Variants in DNAAF4 observed in about 807,000 individuals in gnomAD.
DNAAF4 encodes dynein assembly factor 4, axonemal.
Under a neutral mutation model 51.8 loss-of-function variants are expected in DNAAF4, and 43 were observed. The observed-to-expected ratio is 0.83, with a 90% CI of 0.65 to 1.07. DNAAF4 has a LOEUF of 1.07. Ranked by LOEUF, DNAAF4 falls within the 50% of genes least tolerant of loss-of-function variation. DNAAF4 has a pLI of 0.00. For synonymous variants in DNAAF4, 194 were observed against 165.6 expected (o/e 1.17, Z -1.32); for missense variants, 581 against 493.0 (o/e 1.18, Z -1.69).
chr15:55,497,639 A>G (rs2058658356), intron 3 of DNAAF4, 73 bp downstream of exon 3: 3 of 1,520,106 alleles, frequency 2.0e-6, no homozygotes, highest in Admixed American at 2.2e-5. Flanking sequence ...TAGGTGCTTC[A>G]AAATAAAATT....
chr15:55,432,581 G>A lies in DNAAF4; in HGVS notation c.1069C>T (p.Pro357Ser), dbSNP rs756316769. Residue 357 changes from proline to serine, a missense_variant, in exon 9 of 10, where the codon CCT becomes TCT. Pro to Ser is a moderately conservative substitution (Grantham distance 74). Coordinates refer to ENST00000321149, the MANE Select transcript of DNAAF4 (RefSeq NM_130810.4). ...SSKALELLMPPVTDNANARMK... is the reference protein window; with the variant it reads ...SSKALELLMPSVTDNANARMK... ...CTTGCATTAGCATTGTCTGTAACAG[G>A]TGGCATCAATAATTCCAGTGCCTTA... 2.5e-6 allele frequency: 4 copies of A among 1,611,566 alleles called. No homozygotes were observed. The South Asian group carries it at 3.3e-5, about 13-fold the overall frequency.
chr15:55,460,469 C>A (rs530802986), intron 5 of DNAAF4, among the ~76,000 whole-genome samples: 2 of 151,744 alleles, frequency 1.3e-5, no homozygotes, highest in East Asian at 3.9e-4. Context: ...CATGAGCCAC[C>A]GCGCCCGGCC....
intron 1 of DNAAF4, among the ~76,000 whole-genome samples, chr15:55,499,467 T>C (rs1342289560): frequency 2.0e-5 from 3 of 152,242 alleles, no homozygotes; most frequent in Admixed American, 6.5e-5. Flanking sequence ...AATGCACCTT[T>C]GTTTTACACC....
chr15:55,496,520 A>G (rs1028293548), intron 3 of DNAAF4, among the ~76,000 whole-genome samples: 8 of 152,212 alleles, frequency 5.3e-5, no homozygotes, highest in Admixed American at 1.3e-4. Context: ...CTGTAAAAAA[A>G]GGGTAATAAT....
At chr15:55,425,124 CA>C (rs1264700438) in intron 7 of DNAAF4, among the ~76,000 whole-genome samples, 1 of 152,192 alleles carries the variant, frequency 6.6e-6, no homozygotes, top group Non-Finnish European at 1.5e-5. Context: ...CTCGGCCTCC[CA>C]AAGTGCTGGG....
intron 4 of DNAAF4, among the ~76,000 whole-genome samples, chr15:55,484,323 A>T (rs971571017): frequency 2.6e-5 from 4 of 151,944 alleles, no homozygotes; most frequent in Non-Finnish European, 4.4e-5. Context: ...CTCTACTAAA[A>T]ATACAAAAAA....
chr15:55,498,183 G>T (rs12907654), intron 2 of DNAAF4, 24 bp downstream of exon 2: 1 of 1,613,854 alleles, frequency 6.2e-7, no homozygotes, highest in Non-Finnish European at 8.5e-7. Flanking sequence ...CCCGGAGACC[G>T]GCAGGCAAGA....
chr15:55,505,429 A>T (rs2058721804), intron 1 of DNAAF4, among the ~76,000 whole-genome samples: 1 of 152,112 alleles, frequency 6.6e-6, no homozygotes, highest in African/African-American at 2.4e-5. Context: ...TATATATAAA[A>T]GATTATAAAT....
intron 4 of DNAAF4, among the ~76,000 whole-genome samples, chr15:55,476,332 A>G (rs1003716863): frequency 1.3e-4 from 20 of 152,076 alleles, no homozygotes; most frequent in African/African-American, 4.8e-4. Flanking sequence ...ATGTGCGTGT[A>G]GTCCCAGCTA....
At chr15:55,469,397 C>T (rs1229762508) in intron 4 of DNAAF4, among the ~76,000 whole-genome samples, 1 of 150,408 alleles carries the variant, frequency 6.6e-6, no homozygotes, top group Non-Finnish European at 1.5e-5. Context: ...ACTGTTTATG[C>T]CTCTTATATA....
At chr15:55,467,701 T>C (rs141175990) in intron 4 of DNAAF4, among the ~76,000 whole-genome samples, 1,711 of 152,236 alleles carry the variant, frequency 0.011, 16 homozygotes, top group South Asian at 0.016. Context: ...ATAGGAAGGA[T>C]GAACAAGACG....
intron 9 of DNAAF4, among the ~76,000 whole-genome samples, chr15:55,431,896 C>T (rs1471510156): frequency 6.6e-6 from 1 of 152,052 alleles, no homozygotes; most frequent in Non-Finnish European, 1.5e-5. Context: ...GGATTATAGG[C>T]GTGAAGCACC....
intron 4 of DNAAF4, among the ~76,000 whole-genome samples, chr15:55,472,360 G>C (rs1459967611): frequency 6.6e-6 from 1 of 152,150 alleles, no homozygotes; most frequent in East Asian, 1.9e-4. Flanking sequence ...GCTCATGCCT[G>C]AAATCCCAGC....
intron 9 of DNAAF4, 55 bp downstream of exon 9, chr15:55,432,442 G>A: frequency 7.2e-7 from 1 of 1,391,096 alleles, no homozygotes; most frequent in Non-Finnish European, 1.0e-6. Context: ...TAATTCCAAT[G>A]ACATTTTTTT....
In DNAAF4 at chr15:55,469,883, G is replaced by C. The variant is rs532944172; in HGVS notation, c.406-2722C>G. On this transcript the variant is annotated intron_variant, in intron 4 of 9. Transcript: ENST00000321149. Reference sequence around the variant, plus strand: ...TTAGCATTAGATCCCACAGGTTAAGGGCTCAATTCCATAAGACAGTCTCCA... The same window carrying C: ...TTAGCATTAGATCCCACAGGTTAAGCGCTCAATTCCATAAGACAGTCTCCA... Among the ~76,000 whole-genome samples, 16 of 151,974 alleles carry C rather than the reference G, an allele frequency of 1.1e-4. No individual in the cohort carries two copies. The South Asian group carries it at 3.3e-3, about 32-fold the overall frequency.
chr15:55,478,231 T>C (rs768402704), intron 4 of DNAAF4, among the ~76,000 whole-genome samples: 2 of 152,210 alleles, frequency 1.3e-5, no homozygotes, highest in Non-Finnish European at 2.9e-5. Flanking sequence ...ATGACTGTTA[T>C]AGGAAATGAA....
intron 5 of DNAAF4, among the ~76,000 whole-genome samples, chr15:55,455,492 C>T (rs1174875958): frequency 4.0e-5 from 6 of 151,096 alleles, no homozygotes; most frequent in Non-Finnish European, 5.9e-5. Context: ...AATGCAGTGG[C>T]GCGATCTTGG....
chr15:55,502,443 A>T (rs1467642816), intron 1 of DNAAF4, among the ~76,000 whole-genome samples: 1 of 152,184 alleles, frequency 6.6e-6, no homozygotes, highest in Non-Finnish European at 1.5e-5. Flanking sequence ...TTCTCTATCA[A>T]ACCTAGCATA....
intron 8 of DNAAF4, among the ~76,000 whole-genome samples, chr15:55,433,329 G>T (rs769837190): frequency 1.3e-5 from 2 of 152,124 alleles, no homozygotes; most frequent in Non-Finnish European, 2.9e-5. Context: ...AAAAGGCCTC[G>T]GCCGGGTGTG....
Sources: gnomAD v4.1 joint callset for allele counts (sites outside exome capture counted in the v4.1 genomes callset) on GRCh38, gnomAD v4.1.1 for gene constraint, MANE v1.5 for transcripts, NCBI Gene and HGNC (gene_info 2026-07-23, HGNC 2026-07-21) for gene names.